HPS4: variants seen among roughly 807,000 people sequenced by gnomAD.
HPS4 encodes the protein BLOC-3 complex member HPS4.
Under a neutral mutation model 70.3 loss-of-function variants are expected in HPS4, and 44 were observed. The ratio of observed to expected loss-of-function variants is 0.63; its 90% CI spans 0.49 to 0.80. HPS4 has a LOEUF of 0.80. Among genes scored for constraint, HPS4 ranks in the 30% least tolerant of loss-of-function variants. The pLI is 0.00. For synonymous variants in HPS4, 377 were observed against 355.9 expected (o/e 1.06, Z -0.67); for missense variants, 873 against 884.4 (o/e 0.99, Z 0.16).
At chr22:26,445,971 CG>C, downstream of HPS4, among the ~76,000 whole-genome samples, 1 of 152,174 alleles carries the variant, frequency 6.6e-6, no homozygotes, top group African/African-American at 2.4e-5. Flanking sequence ...CACCTGCAAG[CG>C]AGGTTCCAGC....
chr22:26,461,981 C>A (rs1370203317), intron 11 of HPS4, among the ~76,000 whole-genome samples: 1 of 152,044 alleles, frequency 6.6e-6, no homozygotes, highest in Non-Finnish European at 1.5e-5. Flanking sequence ...ACAAAATTAG[C>A]CGGGCCTGGT....
chr22:26,464,251 G>A lies in HPS4; in HGVS notation c.1379C>T (p.Pro460Leu). The A allele has an allele frequency of 6.2e-7, 1 of 1,614,184 alleles. No homozygotes were observed. Among genetic ancestry groups the A allele is most frequent in the Non-Finnish European group, 8.5e-7 (1 of 1,180,038 alleles). Residue 460 changes from proline to leucine, a missense_variant, in exon 11 of 14, where the codon CCT becomes CTT. Physicochemically the swap from Pro to Leu is moderately conservative, Grantham distance 98 (BLOSUM62 -3). Transcript: ENST00000398145. ...GGGCCTGCGGGTCCTTCTGGGGAGA[G>A]GGTCTGCTCTGGGAATGGGGGCTTG... ...SSQAPIPRAD[P>L]LPRRTRRPLL...
intron 2 of HPS4, among the ~76,000 whole-genome samples, chr22:26,480,210 C>T (rs2091128465): frequency 6.6e-6 from 1 of 152,112 alleles, no homozygotes; most frequent in African/African-American, 2.4e-5. Flanking sequence ...ACTTTGTAGC[C>T]CTGTAGGCTG....
Position 26,477,048 on chromosome 22 carries a change from A to C in HPS4, c.221T>G (p.Leu74Arg), listed in dbSNP as rs147060589. The C allele has an allele frequency of 1.9e-6, 3 of 1,614,074 alleles. No homozygotes were observed. The African/African-American group carries it at 4.0e-5, about 22-fold the overall frequency. ...AAACTTCAGTTTTCTCAGACGAACA[A>C]GAGTAGGAGGAGAGTCAGAAATGTC... ...VSDISDSPPT[L>R]VRLRKLKFAI... is the part of the protein sequence containing the mutation. The change falls in exon 4 of 14, where the codon CTT becomes CGT. Residue 74 changes from leucine to arginine, a missense_variant. By Grantham distance (102) the Leu-to-Arg change is moderately radical. Transcript: ENST00000398145.
At position 26,464,528 on chromosome 22, in the gene HPS4, CGAGTTCTTCTTGGA is replaced by C. The variant is rs773968140; in HGVS notation, c.1088_1101del (p.Leu363ArgfsTer4). On this transcript the variant is annotated frameshift_variant, in exon 11 of 14. Transcript: ENST00000398145. LOFTEE classifies it high-confidence loss of function. ...TCTGGAATGTGGATTTCAGACAAGT[CGAGTTCTTCTTGGA>C]GAAAGACTAGTTCCTTCCCCAGGGA... The C allele has an allele frequency of 4.3e-6, 7 of 1,614,156 alleles. No homozygotes were observed. The Admixed American group carries it at 1.2e-4, about 27-fold the overall frequency.
At chr22:26,456,756 C>T (rs944753440) in intron 13 of HPS4, among the ~76,000 whole-genome samples, 3 of 152,198 alleles carry the variant, frequency 2.0e-5, no homozygotes, top group African/African-American at 7.2e-5. Context: ...TGCTAACTTG[C>T]TTTATTTTCT....
chr22:26,457,967 G>C lies in HPS4; in HGVS notation c.1847C>G (p.Ala616Gly), dbSNP rs1210608915. 1 of 1,611,794 alleles carries C rather than the reference G, an allele frequency of 6.2e-7. No individual in the cohort carries two copies. Among genetic ancestry groups the C allele is most frequent in the Admixed American group, 1.7e-5 (1 of 60,006 alleles). The part of the protein sequence containing the change: ...HYDRIQSLLM[A>G]NLPQVATPQD... ...CGGGGTGGCCACCTGCGGCAGGTTT[G>C]CTTCCAGAAGAGGACACAGAGTTGT... Residue 616 changes from alanine (A) to glycine (G), a missense_variant and splice_region_variant, in exon 13 of 14, where the codon GCA (alanine) becomes GGA (glycine). Coordinates refer to ENST00000398145, the MANE Select transcript of HPS4 (RefSeq NM_022081.6).
chr22:26,462,553 T>A (rs540309246), intron 11 of HPS4, among the ~76,000 whole-genome samples: 5 of 152,340 alleles, frequency 3.3e-5, no homozygotes, highest in African/African-American at 1.2e-4. Flanking sequence ...GTATTTCACA[T>A]ATAGTTGGTG....
intron 13 of HPS4, among the ~76,000 whole-genome samples, chr22:26,454,431 T>C (rs2085722688): frequency 6.6e-6 from 1 of 152,250 alleles, no homozygotes; most frequent in African/African-American, 2.4e-5. Context: ...CAACAGTATG[T>C]GTCCTCATTG....
intron 4 of HPS4, 36 bp downstream of exon 4, chr22:26,476,957 G>A (rs1234441578): frequency 1.9e-6 from 3 of 1,610,342 alleles, no homozygotes; most frequent in Admixed American, 3.3e-5. Context: ...ACTTATCATT[G>A]CAACACTTCA....
Position 26,483,783 on chromosome 22 carries a change from G to C in HPS4, c.-588C>G, listed in dbSNP as rs1036794758. ...CCCGTACCTGCGCGCGCGGCAGAGAGGCCTTAGGTCACGCGCCGCCCCGCC... is the reference window on the plus strand; with the variant it reads ...CCCGTACCTGCGCGCGCGGCAGAGACGCCTTAGGTCACGCGCCGCCCCGCC... On this transcript the variant is annotated 5_prime_UTR_variant, in exon 1 of 14. Transcript: ENST00000398145. 4 of 797,554 alleles carry C rather than the reference G, an allele frequency of 5.0e-6. No homozygotes were observed. The highest frequency in any genetic ancestry group is 5.2e-6 in the Non-Finnish European group (3 of 576,376). The allele number at this position is 797,554 out of a possible 1,614,324, so 49.4% of individuals were successfully genotyped here. A position where few individuals can be genotyped will look rare whatever the true frequency, so the allele number is the denominator to read the frequency against.
intron 4 of HPS4, 157 bp from the exon 5 acceptor site, chr22:26,473,096 T>A: frequency 1.5e-6 from 1 of 688,396 alleles, no homozygotes; most frequent in Non-Finnish European, 2.6e-6. Context: ...CTGGCCAAGT[T>A]AATCTCCATG....
chr22:26,464,049 G>A lies in HPS4; in HGVS notation c.1581C>T (p.Ser527=), dbSNP rs200667267. The part of the protein sequence containing the change: ...GAGPSADGIS[S]RLTPAESCMG... The stretch of plus-strand genomic sequence containing the variant: ...TGCAGGACTCTGCTGGTGTCAGCCT[G>A]GAGCTGATTCCATCTGCAGAGGGGC... The change falls in exon 11 of 14, where the codon TCC becomes TCT. Residue 527 remains serine, a synonymous_variant. Transcript: ENST00000398145. The A allele has an allele frequency of 1.2e-6, 2 of 1,614,280 alleles. No individual in the cohort carries two copies. Among genetic ancestry groups the A allele is most frequent in the Admixed American group, 3.3e-5 (2 of 60,036 alleles).
chr22:26,458,367 G>A, intron 12 of HPS4, 78 bp downstream of exon 12: 1 of 1,552,692 alleles, frequency 6.4e-7, no homozygotes, highest in East Asian at 2.2e-5. Flanking sequence ...TCATCATGAT[G>A]CTGGGGCTCA....
Position 26,464,378 on chromosome 22 carries a change from C to T in HPS4, c.1252G>A (p.Glu418Lys), listed in dbSNP as rs763228182. ...CGCAAGCTGCTGATGGCTGTGTCCT[C>T]AGGAGGCGTGGGTTCCAGGCTGCTG... ...ASSSLEPTPP[E>K]DTAISSLRPP... The change falls in exon 11 of 14, where the codon GAG (glutamate) becomes AAG (lysine). Residue 418 changes from glutamate (E) to lysine (K), a missense_variant. Transcript: ENST00000398145. 1.2e-6 allele frequency: 2 copies of T among 1,614,204 alleles called. No homozygotes were observed. The highest frequency in any genetic ancestry group is 2.2e-5 in the East Asian group (1 of 44,880).
intron 2 of HPS4, 112 bp from the exon 3 acceptor site, chr22:26,479,467 C>T: frequency 6.6e-7 from 1 of 1,510,936 alleles, no homozygotes; most frequent in Middle Eastern, 1.7e-4. Context: ...TGTTTGAAAG[C>T]CTTCAGGTGG....
intron 11 of HPS4, 91 bp from the exon 12 acceptor site, chr22:26,458,668 ATCC>A: frequency 6.7e-7 from 1 of 1,498,056 alleles, no homozygotes; most frequent in Non-Finnish European, 9.1e-7. Flanking sequence ...TAAAAAAAAA[ATCC>A]TCCAGCCAGG....
intron 4 of HPS4, chr22:26,475,323 T>A (rs1258511639): frequency 1.3e-5 from 2 of 151,224 alleles, no homozygotes; most frequent in Admixed American, 6.6e-5. Context: ...GTAAAGCATG[T>A]AACCACAAAC....
intron 2 of HPS4, among the ~76,000 whole-genome samples, chr22:26,480,555 C>T (rs544409287): frequency 6.6e-6 from 1 of 152,154 alleles, no homozygotes; most frequent in South Asian, 2.1e-4. Context: ...GTCATCTGCT[C>T]TCTTCCCTGG....
Sources: allele counts gnomAD v4.1 joint callset (sites outside exome capture counted in the v4.1 genomes callset), GRCh38; gene constraint gnomAD v4.1.1; transcripts MANE v1.5; gene names NCBI Gene and HGNC (gene_info 2026-07-23, HGNC 2026-07-21).